FYCO1: variants seen among roughly 807,000 people sequenced by gnomAD.
FYCO1 encodes FYVE and coiled-coil domain autophagy adaptor 1.
In FYCO1, 122 loss-of-function variants were observed where a neutral mutation model predicts 165.1. The ratio of observed to expected loss-of-function variants is 0.74; its 90% CI spans 0.64 to 0.86. The LOEUF (loss-of-function observed/expected upper bound fraction) is 0.86, where lower values mean the gene tolerates loss of function less well. Among genes scored for constraint, FYCO1 ranks in the 40% least tolerant of loss-of-function variants. The pLI is 0.00. For missense variants in FYCO1, 1,702 were observed against 1,810.3 expected (o/e 0.94, Z 1.09); for synonymous variants, 648 against 742.5 (o/e 0.87, Z 2.07).
chr3:45,972,579 C>T (rs1369541769), intron 6 of FYCO1, among the ~76,000 whole-genome samples: 1 of 152,178 alleles, frequency 6.6e-6, no homozygotes, highest in African/African-American at 2.4e-5. Flanking sequence ...CTTCTTGGAG[C>T]TCATGTAAGG....
rs185665139 is a variant in FYCO1, at chr3:45,993,162, G to A, written c.-113+2560C>T. ...TGTACACATCCTCCAAATGGCATCC[G>A]GCCTAATGAGAAACAGGCCCTTGGT... On this transcript the variant is annotated intron_variant, in intron 1 of 17. Transcript: ENST00000296137. This position sits in a 1 kb window ranked among gnomAD's most constrained non-coding sequence, Gnocchi z 4.4. Among the ~76,000 whole-genome samples the A allele has an allele frequency of 5.3e-5, 8 of 152,172 alleles. No individual in the cohort carries two copies. Among genetic ancestry groups the A allele is most frequent in the Non-Finnish European group, 7.4e-5 (5 of 68,020 alleles).
chr3:45,944,485 T>G (rs1326102128), intron 14 of FYCO1, among the ~76,000 whole-genome samples: 3 of 152,248 alleles, frequency 2.0e-5, no homozygotes, highest in Non-Finnish European at 4.4e-5. Context: ...TGTAATTTGC[T>G]TCATCATTAT....
Position 45,984,931 on chromosome 3 carries a change from C to T in FYCO1, c.-21G>A, listed in dbSNP as rs761609585. The stretch of plus-strand genomic sequence containing the variant: ...GCCATGGTGAGTTTGCCTTTCTTGT[C>T]TGTATGTCTCCTGCCTGGGTCCAGA... On this transcript the variant is annotated 5_prime_UTR_variant, in exon 2 of 18. Transcript: ENST00000296137. 6.2e-7 allele frequency: 1 copy of T among 1,613,914 alleles called. No individual in the cohort carries two copies. The highest frequency in any genetic ancestry group is 8.5e-7 in the Non-Finnish European group (1 of 1,179,830).
chr3:45,933,463 T>C, intron 15 of FYCO1, among the ~76,000 whole-genome samples: 1 of 152,232 alleles, frequency 6.6e-6, no homozygotes, highest in East Asian at 1.9e-4. Context: ...AAGACCTGCC[T>C]TGGATCTGTG....
Position 45,962,411 on chromosome 3 carries a change from GTTTTCT to G in FYCO1, c.3270-25_3270-20del. ...CTGGGTCCTGGGGGAGGAGTGGTAA[GTTTTCT>G]TGATTAGCCAGGACTTCCAGCTTTC... On this transcript the variant is annotated intron_variant, in intron 10 of 17. Transcript: ENST00000296137. The surrounding 1 kb of genome is among the most constrained non-coding windows in gnomAD (Gnocchi z 4.4). 6.2e-7 allele frequency: 1 copy of G among 1,613,478 alleles called. No individual in the cohort carries two copies. Among genetic ancestry groups the G allele is most frequent in the Non-Finnish European group, 8.5e-7 (1 of 1,179,426 alleles).
Position 45,980,732 on chromosome 3 carries a change from A to G in FYCO1, c.162+838T>C, listed in dbSNP as rs1707002096. Among the ~76,000 whole-genome samples the G allele has an allele frequency of 1.3e-5, 2 of 152,250 alleles. 1 individual carries two copies. The highest frequency in any genetic ancestry group is 4.1e-4 in the South Asian group (2 of 4,836). ...ATGGTGTTCACAATGACACAGGTAT[A>G]TCTTTCTATAACATTTTATAGCATT... On this transcript the variant is annotated intron_variant, in intron 3 of 17. Transcript: ENST00000296137.
At chr3:45,947,030 T>G in intron 14 of FYCO1, 1 of 1,614,236 alleles carries the variant, frequency 6.2e-7, no homozygotes. Flanking sequence ...GTGGTTACCA[T>G]GACGAGGCAA....
chr3:45,941,987 G>A (rs3774640), intron 14 of FYCO1, among the ~76,000 whole-genome samples: 29,055 of 152,188 alleles, frequency 0.19, 2,908 homozygotes, highest in East Asian at 0.29. Context: ...TTATTCATTT[G>A]TCCACCATTC....
At chr3:45,978,553 C>T (rs567108460) in intron 4 of FYCO1, among the ~76,000 whole-genome samples, 13 of 152,312 alleles carry the variant, frequency 8.5e-5, no homozygotes, top group African/African-American at 2.6e-4. Flanking sequence ...CTCCAGCTGG[C>T]GTGTTTGGTG....
At chr3:45,948,992 A>G (rs1490545887) in intron 14 of FYCO1, among the ~76,000 whole-genome samples, 1 of 152,170 alleles carries the variant, frequency 6.6e-6, no homozygotes, top group Non-Finnish European at 1.5e-5. Context: ...AGCACTAGTT[A>G]TTATTTCTTA....
chr3:45,933,995 A>T lies in FYCO1; in HGVS notation c.4040+2453T>A, dbSNP rs1032797280. Reference sequence around the variant, plus strand: ...CTAAATAATTACAATAACCAAAATAAAAAAAAAATCACTGGACACTCAATA... The same window carrying T: ...CTAAATAATTACAATAACCAAAATATAAAAAAAATCACTGGACACTCAATA... On this transcript the variant is annotated intron_variant, in intron 15 of 17. Transcript: ENST00000296137. Among the ~76,000 whole-genome samples, 7 of 151,768 alleles carry T rather than the reference A, an allele frequency of 4.6e-5. No individual in the cohort carries two copies. The East Asian group carries it at 7.7e-4, about 17-fold the overall frequency.
At chr3:45,981,191 G>A (rs956550928) in intron 3 of FYCO1, among the ~76,000 whole-genome samples, 13 of 152,208 alleles carry the variant, frequency 8.5e-5, no homozygotes, top group Admixed American at 5.2e-4. Context: ...GCAAAAATGC[G>A]TGATTGTGTG....
At chr3:45,973,326 C>A in intron 5 of FYCO1, 95 bp from the exon 6 acceptor site, 1 of 1,251,144 alleles carries the variant, frequency 8.0e-7, no homozygotes, top group South Asian at 1.2e-5. Context: ...AATTCCAACT[C>A]AGGTTACTAA....
chr3:45,973,141 A>C lies in FYCO1; in HGVS notation c.486T>G (p.Phe162Leu). The C allele has an allele frequency of 6.2e-7, 1 of 1,614,248 alleles. No individual in the cohort carries two copies. Among genetic ancestry groups the C allele is most frequent in the South Asian group, 1.1e-5 (1 of 91,086 alleles). Residue 162 changes from phenylalanine (F) to leucine (L), a missense_variant, in exon 6 of 18, where the codon TTT becomes TTG. Phe to Leu is a conservative substitution (Grantham distance 22). Coordinates refer to ENST00000296137, the MANE Select transcript of FYCO1 (RefSeq NM_024513.4). The stretch of plus-strand genomic sequence containing the variant: ...AGTCAAAGCCCCTCGACGCCAGGTC[A>C]AACTGAACCTCAGTCAGCTCATAGA... Reference protein sequence around the residue: ...GQLYELTEVQFDLASRGFDLD... With the variant: ...GQLYELTEVQLDLASRGFDLD...
intron 14 of FYCO1, among the ~76,000 whole-genome samples, chr3:45,938,743 C>T (rs975462799): frequency 1.1e-4 from 17 of 152,350 alleles, no homozygotes; most frequent in South Asian, 2.1e-4. Flanking sequence ...TGGCCCACCT[C>T]GGCCTCCCAA....
At chr3:45,947,638 G>C in intron 14 of FYCO1, 1 of 716,004 alleles carries the variant, frequency 1.4e-6, no homozygotes, top group Non-Finnish European at 2.4e-6. Flanking sequence ...CACTCTGGCT[G>C]GTTTGGAATG....
intron 2 of FYCO1, chr3:45,984,613 G>C: frequency 1.6e-6 from 1 of 616,474 alleles, no homozygotes; most frequent in South Asian, 1.9e-5. Flanking sequence ...TCCTGGAGCC[G>C]GGTGTATGAT....
intron 1 of FYCO1, among the ~76,000 whole-genome samples, chr3:45,987,611 C>T (rs1206523447): frequency 6.6e-6 from 1 of 152,228 alleles, no homozygotes; most frequent in Non-Finnish European, 1.5e-5. Context: ...GCTGCCAACA[C>T]AGAGGAGTTT....
chr3:45,970,588 T>C (rs577700324), intron 6 of FYCO1, among the ~76,000 whole-genome samples: 10 of 152,316 alleles, frequency 6.6e-5, no homozygotes, highest in Non-Finnish European at 1.2e-4. Flanking sequence ...TTCTTTTTTT[T>C]TGAAAAGGGC....
Sources: gnomAD v4.1 joint callset for allele counts (sites outside exome capture counted in the v4.1 genomes callset) on GRCh38, gnomAD v4.1.1 for gene constraint, Gnocchi (gnomAD v3.1) non-coding constraint, MANE v1.5 for transcripts, NCBI Gene and HGNC (gene_info 2026-07-23, HGNC 2026-07-21) for gene names.